STPG2: variants seen among roughly 807,000 people sequenced by gnomAD.
STPG2 encodes the protein sperm tail PG-rich repeat containing 2, also known as sperm-tail PG-rich repeat-containing protein 2.
In STPG2, 56 loss-of-function variants were observed where a neutral mutation model predicts 54.2. That is an observed-to-expected ratio of 1.03 (90% CI 0.83 to 1.29). The LOEUF (loss-of-function observed/expected upper bound fraction) is 1.29, where lower values mean the gene tolerates loss of function less well. Among genes scored for constraint, STPG2 ranks in the 50% most tolerant of loss-of-function variants. The probability of loss-of-function intolerance (pLI) is 0.00; values close to 1 mark genes in which losing one functional copy is unlikely to be tolerated. For missense variants in STPG2, 596 were observed against 544.9 expected (o/e 1.09, Z -0.93); for synonymous variants, 200 against 181.8 (o/e 1.10, Z -0.81).
At chr4:97,810,410 G>T (rs898907701) in intron 9 of STPG2, among the ~76,000 whole-genome samples, 2 of 149,676 alleles carry the variant, frequency 1.3e-5, no homozygotes, top group Non-Finnish European at 2.9e-5. Context: ...GTTGCAGTGA[G>T]CCGAGATTGC....
intron 4 of STPG2, among the ~76,000 whole-genome samples, 154 bp from the exon 5 acceptor site, chr4:98,106,218 T>A (rs2110141075): frequency 6.6e-6 from 1 of 152,246 alleles, no homozygotes; most frequent in South Asian, 2.1e-4. Context: ...TATTCAAAAT[T>A]TTGTAAAATG....
chr4:97,884,190 A>G (rs74634159), intron 8 of STPG2, among the ~76,000 whole-genome samples: 1,859 of 152,294 alleles, frequency 0.012, 35 homozygotes, highest in African/African-American at 0.043. Context: ...GGAGTACACA[A>G]TAAGTTATAA....
intron 9 of STPG2, among the ~76,000 whole-genome samples, chr4:97,773,448 T>C (rs1726277911): frequency 6.6e-6 from 1 of 152,250 alleles, no homozygotes; most frequent in African/African-American, 2.4e-5. Flanking sequence ...GCCTCTTAAG[T>C]AGCTAAGTGC....
intron 10 of STPG2, among the ~76,000 whole-genome samples, chr4:97,699,567 G>A (rs1018768762): frequency 6.6e-6 from 1 of 152,164 alleles, no homozygotes. Flanking sequence ...TCGTACATCT[G>A]GCCATTTCTC....
rs367716319 is a variant in STPG2, at chr4:97,676,641, C to G, written c.1320+36058G>C. On this transcript the variant is annotated intron_variant, in intron 10 of 10. Transcript: ENST00000295268. The stretch of plus-strand genomic sequence containing the variant: ...TATTAGATTAAAAGGCAGTAAAACC[C>G]TTGCCCTGGTTTCAGTACTGCCACT... 3.3e-5 allele frequency among the ~76,000 whole-genome samples: 5 copies of G among 151,978 alleles called. No homozygotes were observed. The East Asian group carries it at 5.8e-4, about 18-fold the overall frequency.
In STPG2 at chr4:97,502,895, T is replaced by C. The variant is rs1049164067; in HGVS notation, c.462+209804A>G. Among the ~76,000 whole-genome samples, 18 of 151,940 alleles carry C rather than the reference T, an allele frequency of 1.2e-4. 1 individual carries two copies. The highest frequency in any genetic ancestry group is 2.9e-5 in the Non-Finnish European group (2 of 67,966). On this transcript the variant is annotated intron_variant, in intron 4 of 4. Coordinates refer to the STPG2 transcript ENST00000522676. ...CCCTTACGCTGTGAATAGCAATCTC[T>C]CTCTCTCTCTCATTCACTCTCTTAC...
intron 8 of STPG2, among the ~76,000 whole-genome samples, chr4:97,841,247 G>A (rs1478179457): frequency 1.3e-5 from 2 of 151,642 alleles, no homozygotes; most frequent in African/African-American, 4.8e-5. Flanking sequence ...TTATAAGAAT[G>A]AGAGCAATGA....
At chr4:98,049,361 A>G (rs2839836) in intron 5 of STPG2, among the ~76,000 whole-genome samples, 59,926 of 151,970 alleles carry the variant, frequency 0.39, 12,051 homozygotes, top group Middle Eastern at 0.46. Flanking sequence ...CAGAATAAAA[A>G]TAAACACTAA....
chr4:97,807,385 TA>T (rs1276461883), intron 9 of STPG2, among the ~76,000 whole-genome samples: 3 of 151,960 alleles, frequency 2.0e-5, no homozygotes, highest in Non-Finnish European at 4.4e-5. Context: ...CAACTCTATC[TA>T]AAAACAATCC....
chr4:98,137,882 A>T (rs966274408), intron 1 of STPG2, among the ~76,000 whole-genome samples: 1 of 151,988 alleles, frequency 6.6e-6, no homozygotes, highest in African/African-American at 2.4e-5. Context: ...AAAATTAATT[A>T]TATAGAATCT....
chr4:98,014,045 G>A lies in STPG2; in HGVS notation c.613-32727C>T, dbSNP rs949524027. Among the ~76,000 whole-genome samples the A allele has an allele frequency of 2.6e-5, 4 of 151,884 alleles. No individual in the cohort carries two copies. In the East Asian group the frequency reaches 7.8e-4, roughly 29 times the overall value. On this transcript the variant is annotated intron_variant, in intron 5 of 10. Coordinates refer to ENST00000295268, the MANE Select transcript of STPG2 (RefSeq NM_174952.3). ...TTTGTTTGCTCTTGCTTCTCTAGGT[G>A]CTTTAGTTGTGATGTGAGGGTGTCG... is the stretch of plus-strand genomic sequence containing the variant.
chr4:97,694,232 C>G (rs956229129), intron 10 of STPG2, among the ~76,000 whole-genome samples: 6 of 151,756 alleles, frequency 4.0e-5, no homozygotes, highest in African/African-American at 1.5e-4. Flanking sequence ...AACAAAAGGC[C>G]AGTTCTTTGA....
intron 5 of STPG2, among the ~76,000 whole-genome samples, chr4:98,066,840 C>A (rs1336451695): frequency 6.6e-6 from 1 of 152,020 alleles, no homozygotes; most frequent in Admixed American, 6.6e-5. Context: ...TGTAACTGTT[C>A]GAGTGACTGC....
intron 4 of STPG2, among the ~76,000 whole-genome samples, chr4:97,522,299 T>A (rs1731199659): frequency 6.6e-6 from 1 of 152,016 alleles, no homozygotes; most frequent in Non-Finnish European, 1.5e-5. Flanking sequence ...AGAGTTTACA[T>A]GTGTTTTTCT....
At chr4:97,659,484 T>C (rs1418351375) in intron 10 of STPG2, among the ~76,000 whole-genome samples, 1 of 152,230 alleles carries the variant, frequency 6.6e-6, no homozygotes, top group Non-Finnish European at 1.5e-5. Flanking sequence ...TTTTATAAGA[T>C]GACTCTCAGA....
At chr4:97,675,011 CT>C (rs890413658) in intron 10 of STPG2, among the ~76,000 whole-genome samples, 3 of 151,064 alleles carry the variant, frequency 2.0e-5, no homozygotes, top group African/African-American at 4.8e-5. Context: ...TATACATTCT[CT>C]TTTTTTTTGA....
chr4:98,139,308 G>A (rs1740216278), intron 1 of STPG2, among the ~76,000 whole-genome samples: 1 of 152,188 alleles, frequency 6.6e-6, no homozygotes, highest in Admixed American at 6.5e-5. Flanking sequence ...TGGCCAAGCA[G>A]GCTACAGTGA....
At chr4:97,899,159 C>A (rs890400981) in intron 8 of STPG2, among the ~76,000 whole-genome samples, 1 of 151,576 alleles carries the variant, frequency 6.6e-6, no homozygotes, top group Non-Finnish European at 1.5e-5. Context: ...AAACTCACTA[C>A]CTTACCTATA....
chr4:97,631,386 G>A (rs1469316062), intron 10 of STPG2, among the ~76,000 whole-genome samples: 3 of 151,896 alleles, frequency 2.0e-5, no homozygotes, highest in Admixed American at 1.3e-4. Context: ...ACAAGACTTC[G>A]TAACAATTCT....
Sources: gnomAD v4.1 joint callset for allele counts (sites outside exome capture counted in the v4.1 genomes callset) on GRCh38, gnomAD v4.1.1 for gene constraint, MANE v1.5 for transcripts, NCBI Gene and HGNC (gene_info 2026-07-23, HGNC 2026-07-21) for gene names.